The following PER2 variants were observed in gnomAD, a reference collection of about 807,000 sequenced individuals.
The protein encoded by PER2 is period circadian protein homolog 2.
In PER2, 66 loss-of-function variants were observed where a neutral mutation model predicts 121.0. That is an observed-to-expected ratio of 0.55 (90% CI 0.45 to 0.67). The LOEUF is 0.67. Among genes scored for constraint, PER2 ranks in the 30% least tolerant of loss-of-function variants. The pLI, the probability that PER2 is intolerant of heterozygous loss-of-function variation, is 0.00. For synonymous variants in PER2, 684 were observed against 659.9 expected (o/e 1.04, Z -0.56); for missense variants, 1,521 against 1,635.0 (o/e 0.93, Z 1.20).
In PER2 at chr2:238,284,174, T is replaced by G. The variant is rs889490797; in HGVS notation, c.-20+4175A>C. On this transcript the variant is annotated intron_variant, in intron 1 of 22. Transcript: ENST00000254657. ...AAAAACAGACGGCGGCTGGGCGCGG[T>G]GGCTCACACCTGTAATCCCAGCATT... Among the ~76,000 whole-genome samples the G allele has an allele frequency of 5.9e-5, 9 of 152,152 alleles. No homozygotes were observed. In the South Asian group the frequency reaches 1.2e-3, roughly 21 times the overall value.
In PER2 at chr2:238,261,806, G is replaced by T; in HGVS notation, c.1339C>A (p.His447Asn). The change falls in exon 12 of 23, where the codon CAC becomes AAC. Residue 447 changes from histidine to asparagine, a missense_variant. Transcript: ENST00000254657. ...AGGGCCTTCTCCTCTGTGCAGGGGT[G>T]GGCTGCAAACACGTCCTCATTCAAA... ...GPLNEDVFAA[H>N]PCTEEKALHP... 1 of 1,574,216 alleles carries T rather than the reference G, an allele frequency of 6.4e-7. No homozygotes were observed. Among genetic ancestry groups the T allele is most frequent in the Non-Finnish European group, 8.6e-7 (1 of 1,158,772 alleles).
At chr2:238,262,429 GC>G in intron 10 of PER2, 85 bp from the exon 11 acceptor site, 1 of 1,374,772 alleles carries the variant, frequency 7.3e-7, no homozygotes, top group Non-Finnish European at 1.0e-6. Context: ...AGTCACTCAG[GC>G]CCAGGATCAT....
At chr2:238,295,893 A>G in the PER2 span, 1 of 213,112 alleles carries the variant, frequency 4.7e-6, no homozygotes, top group Non-Finnish European at 9.6e-6. Flanking sequence ...CCCTGCTGCC[A>G]CCCACACCCG....
chr2:238,268,003 A>G lies in PER2; in HGVS notation c.967+53T>C. 6.2e-7 allele frequency: 1 copy of G among 1,601,264 alleles called. No individual in the cohort carries two copies. The highest frequency in any genetic ancestry group is 8.5e-7 in the Non-Finnish European group (1 of 1,171,806). The stretch of plus-strand genomic sequence containing the variant: ...ATGTTATGTGTGAACCACAGGAGTA[A>G]CTGAGGGGGAGCCAGAGACAACATC... On this transcript the variant is annotated intron_variant, in intron 8 of 22. Coordinates refer to ENST00000254657, the MANE Select transcript of PER2 (RefSeq NM_022817.3). This position sits in a 1 kb window ranked among gnomAD's most constrained non-coding sequence, Gnocchi z 4.0.
intron 14 of PER2, 71 bp downstream of exon 14, chr2:238,259,894 TTAAC>T: frequency 2.7e-6 from 2 of 745,800 alleles, no homozygotes; most frequent in Non-Finnish European, 4.8e-6. Flanking sequence ...GAGTCAGCAT[TTAAC>T]CCAGGTTCCC....
chr2:238,260,309 T>C (rs1574846347), intron 13 of PER2, among the ~76,000 whole-genome samples: 2 of 151,548 alleles, frequency 1.3e-5, no homozygotes, highest in South Asian at 2.1e-4. Context: ...CAGGCTGGAG[T>C]GCAGTGGCGC....
chr2:238,257,938 C>T (rs533065299), intron 16 of PER2, among the ~76,000 whole-genome samples: 2 of 152,366 alleles, frequency 1.3e-5, no homozygotes, highest in South Asian at 4.1e-4. Context: ...AACTTGAGAC[C>T]AGTGTGGCTG....
rs147642434 is a variant in PER2 at position 238,283,306 on chromosome 2, C to T, written c.-20+5043G>A. On this transcript the variant is annotated intron_variant, in intron 1 of 22. Coordinates refer to ENST00000254657, the MANE Select transcript of PER2 (RefSeq NM_022817.3). ...ATGTCTCTGTAAGGCAGAGCCTCAT[C>T]TCAGCAGGGTGTCGTCTTGTGTGTG... 3.6e-3 allele frequency among the ~76,000 whole-genome samples: 556 copies of T among 152,356 alleles called. 2 individuals carry two copies. Among genetic ancestry groups the T allele is most frequent in the Non-Finnish European group, 5.7e-3 (389 of 68,032 alleles).
At position 238,248,697 on chromosome 2, in the gene PER2, T is replaced by C. The variant is rs1453416791; in HGVS notation, c.3618+365A>G. ...TTGAGACAGAGTCTTGCTCTGTCGCTCAGGCTGGAGTGCAGTGGTGCCATC... is the reference window on the plus strand; with the variant it reads ...TTGAGACAGAGTCTTGCTCTGTCGCCCAGGCTGGAGTGCAGTGGTGCCATC... On this transcript the variant is annotated intron_variant, in intron 22 of 22. Transcript: ENST00000254657. Among the ~76,000 whole-genome samples, 6 of 149,586 alleles carry C rather than the reference T, an allele frequency of 4.0e-5. No homozygotes were observed. In the East Asian group the frequency reaches 9.9e-4, roughly 25 times the overall value.
rs148428993 is a variant in PER2, at chr2:238,253,348, T to C, written c.2675A>G (p.Gln892Arg). The C allele has an allele frequency of 1.6e-4, 254 of 1,613,492 alleles. No individual in the cohort carries two copies. In the African/African-American group the frequency reaches 3.3e-3, roughly 21 times the overall value. ...CAAAGGGGCAGGGAAAGGTGGGGGC[T>C]GGACTGCAAACTGGTGCTGGAGGTC... Reference protein sequence around the residue: ...PVDLQHQFAVQPPPFPAPLAP... With the variant: ...PVDLQHQFAVRPPPFPAPLAP... The change falls in exon 19 of 23, where the codon CAG (glutamine) becomes CGG (arginine). Residue 892 changes from glutamine to arginine, a missense_variant. Gln to Arg is a conservative substitution (Grantham distance 43). Coordinates refer to ENST00000254657, the MANE Select transcript of PER2 (RefSeq NM_022817.3). The surrounding 1 kb of genome is among the most constrained non-coding windows in gnomAD (Gnocchi z 5.6).
At chr2:238,260,249 G>A (rs1235419705) in intron 13 of PER2, among the ~76,000 whole-genome samples, 196 bp from the exon 14 acceptor site, 3 of 151,698 alleles carry the variant, frequency 2.0e-5, no homozygotes, top group Admixed American at 6.6e-5. Flanking sequence ...AAAGCAAAAC[G>A]GCACATTACA....
intron 4 of PER2, among the ~76,000 whole-genome samples, chr2:238,275,091 C>T (rs930293548): frequency 1.4e-4 from 22 of 152,334 alleles, no homozygotes; most frequent in African/African-American, 4.3e-4. Flanking sequence ...TGCTTTGAAA[C>T]GACTGATAAT....
At position 238,257,153 on chromosome 2, in the gene PER2, G is replaced by A. The variant is rs974569675; in HGVS notation, c.1901-67C>T. The A allele has an allele frequency of 3.5e-5, 51 of 1,466,836 alleles. No individual in the cohort carries two copies. In the South Asian group the frequency reaches 4.0e-4, roughly 12 times the overall value. 90.9% of individuals were successfully genotyped at this position (1,466,836 alleles called of 1,614,324 possible). On this transcript the variant is annotated intron_variant, in intron 16 of 22. Transcript: ENST00000254657. ...CAATGCACTGTGCAGATGAGAAACC[G>A]ACACCCAAGTGCCCATACAGCTTCC...
Position 238,254,606 on chromosome 2 carries a change from C to T in PER2, c.2321-904G>A, listed in dbSNP as rs1360225457. The stretch of plus-strand genomic sequence containing the variant: ...CTAAAGCACTGGGCTCCTGGGATGT[C>T]ATGTCTGGGTCTGGCAGGGCTGCCC... On this transcript the variant is annotated intron_variant, in intron 18 of 22. Transcript: ENST00000254657. Among the ~76,000 whole-genome samples the T allele has an allele frequency of 2.6e-5, 4 of 152,188 alleles. No homozygotes were observed. In the East Asian group the frequency reaches 7.7e-4, roughly 29 times the overall value.
chr2:238,260,876 G>T lies in PER2; in HGVS notation c.1494C>A (p.Thr498=), dbSNP rs541441823. 2 of 1,613,996 alleles carry T rather than the reference G, an allele frequency of 1.2e-6. No homozygotes were observed. Among genetic ancestry groups the T allele is most frequent in the East Asian group, 4.5e-5 (2 of 44,888 alleles). ...NGSHEHLMSQ[T]SSSDSNGHED... ...CATGGCCGTTGCTGTCGCTGGAGGA[G>T]GTCTGGCTCATAAGGTGCTCGTGGG... Residue 498 remains threonine, a synonymous_variant, in exon 13 of 23, where the codon ACC becomes ACA. Coordinates refer to ENST00000254657, the MANE Select transcript of PER2 (RefSeq NM_022817.3).
chr2:238,298,797 A>G, the PER2 span: 2 of 152,232 alleles, frequency 1.3e-5, no homozygotes, highest in African/African-American at 4.8e-5. Flanking sequence ...GACAATGATA[A>G]TGATCATGAT....
At chr2:238,290,265 T>C (rs1055854850), upstream of PER2, among the ~76,000 whole-genome samples, 3 of 152,136 alleles carry the variant, frequency 2.0e-5, no homozygotes, top group Non-Finnish European at 4.4e-5. Flanking sequence ...TCCTCTGACA[T>C]TGACACCTCG....
At position 238,245,482 on chromosome 2, in the gene PER2, G is replaced by C; in HGVS notation, c.*893C>G. 1.3e-5 allele frequency: 5 copies of C among 398,308 alleles called. No homozygotes were observed. Among genetic ancestry groups the C allele is most frequent in the Non-Finnish European group, 2.2e-5 (5 of 225,898 alleles). 24.7% of individuals were successfully genotyped at this position (398,308 alleles called of 1,614,324 possible). The stretch of plus-strand genomic sequence containing the variant: ...ATGTGGGCTTGGCTGGGTGGAAGCA[G>C]ATGTCTGGGTGGTTCCAACGGAAGA... On this transcript the variant is annotated 3_prime_UTR_variant, in exon 23 of 23. Coordinates refer to ENST00000254657, the MANE Select transcript of PER2 (RefSeq NM_022817.3).
intron 1 of PER2, among the ~76,000 whole-genome samples, chr2:238,283,866 A>C (rs1346123747): frequency 2.0e-5 from 3 of 152,130 alleles, no homozygotes; most frequent in Non-Finnish European, 2.9e-5. Flanking sequence ...CCCCCAGATA[A>C]GCAGCTGGTC....
Sources: gnomAD v4.1 joint callset for allele counts (sites outside exome capture counted in the v4.1 genomes callset) on GRCh38, gnomAD v4.1.1 for gene constraint, Gnocchi (gnomAD v3.1) non-coding constraint, MANE v1.5 for transcripts, NCBI Gene and HGNC (gene_info 2026-07-23, HGNC 2026-07-21) for gene names.